SKA2: variants seen among roughly 807,000 people sequenced by gnomAD.
SKA2 encodes spindle and kinetochore-associated protein 2.
In SKA2, 13 loss-of-function variants were observed where a neutral mutation model predicts 16.9. That is an observed-to-expected ratio of 0.77 (90% CI 0.50 to 1.22). The LOEUF (loss-of-function observed/expected upper bound fraction) is 1.22, where lower values mean the gene tolerates loss of function less well. Ranked by LOEUF, SKA2 falls within the 50% of genes most tolerant of loss-of-function variation. The probability of loss-of-function intolerance (pLI) is 0.00; values close to 1 mark genes in which losing one functional copy is unlikely to be tolerated. For synonymous variants in SKA2, 47 were observed against 48.5 expected (o/e 0.97, Z 0.13); for missense variants, 107 against 139.7 (o/e 0.77, Z 1.18).
At chr17:59,131,390 A>C in intron 1 of SKA2, 23 bp from the exon 2 acceptor site, 2 of 1,494,994 alleles carry the variant, frequency 1.3e-6, no homozygotes, top group Non-Finnish European at 1.8e-6. Flanking sequence ...ACAAATCATT[A>C]TTGTGTAAAC....
At chr17:59,117,126 CCTAA>C (rs1218933706) in intron 3 of SKA2, among the ~76,000 whole-genome samples, 1 of 151,844 alleles carries the variant, frequency 6.6e-6, no homozygotes, top group Non-Finnish European at 1.5e-5. Context: ...CTTTGGCTTT[CCTAA>C]CTAATTTCAC....
intron 2 of SKA2, among the ~76,000 whole-genome samples, chr17:59,120,297 C>T (rs1260735424): frequency 2.0e-5 from 3 of 152,062 alleles, no homozygotes; most frequent in African/African-American, 7.2e-5. Context: ...CATGCCAACC[C>T]AACTGTATTT....
chr17:59,147,619 G>A (rs185318021), intron 1 of SKA2, among the ~76,000 whole-genome samples: 1 of 151,182 alleles, frequency 6.6e-6, no homozygotes, highest in Non-Finnish European at 1.5e-5. Context: ...AACTGTTCTT[G>A]ATCTACTTTT....
chr17:59,139,543 G>A (rs973082647), intron 1 of SKA2, among the ~76,000 whole-genome samples: 4 of 151,446 alleles, frequency 2.6e-5, no homozygotes, highest in African/African-American at 9.7e-5. Flanking sequence ...TGAGATGAGT[G>A]CTCACTATGT....
intron 2 of SKA2, among the ~76,000 whole-genome samples, chr17:59,123,021 C>CAAAAAA (rs1197154280): frequency 1.6e-4 from 8 of 48,914 alleles, no homozygotes; most frequent in East Asian, 6.3e-4. Context: ...AACCTTGTCT[C>CAAAAAA]AAAAAAAAAA....
intron 1 of SKA2, among the ~76,000 whole-genome samples, chr17:59,134,315 A>G (rs2046429585): frequency 1.3e-5 from 2 of 152,144 alleles, no homozygotes; most frequent in South Asian, 2.1e-4. Flanking sequence ...AGCTTTTTTC[A>G]ATGAGTTATA....
chr17:59,126,776 A>G (rs1568304524), intron 2 of SKA2, among the ~76,000 whole-genome samples: 1 of 152,222 alleles, frequency 6.6e-6, no homozygotes, highest in South Asian at 2.1e-4. Flanking sequence ...TATAAACCCG[A>G]AAGTTGAAAG....
chr17:59,122,404 A>C (rs1568302771), intron 2 of SKA2, among the ~76,000 whole-genome samples: 1 of 152,082 alleles, frequency 6.6e-6, no homozygotes, highest in Non-Finnish European at 1.5e-5. Flanking sequence ...TGAGGTCAGG[A>C]GTTCCAGAAC....
chr17:59,120,959 T>C (rs549503012), intron 2 of SKA2, among the ~76,000 whole-genome samples: 77 of 151,936 alleles, frequency 5.1e-4, no homozygotes, highest in Admixed American at 4.3e-3. Flanking sequence ...GAGACCATCC[T>C]GGCTAACACG....
chr17:59,115,636 C>T (rs1490897662), intron 3 of SKA2, among the ~76,000 whole-genome samples: 1 of 152,150 alleles, frequency 6.6e-6, no homozygotes, highest in Non-Finnish European at 1.5e-5. Flanking sequence ...TTCCATCGCC[C>T]AGGCTGGAGC....
chr17:59,152,907 G>GA (rs1165815741), intron 1 of SKA2, among the ~76,000 whole-genome samples: 3 of 149,930 alleles, frequency 2.0e-5, no homozygotes, highest in African/African-American at 7.3e-5. Context: ...TGTAAGAAAG[G>GA]AAAAAAACCT....
intron 2 of SKA2, among the ~76,000 whole-genome samples, chr17:59,119,979 G>A (rs1485552141): frequency 6.6e-6 from 1 of 151,314 alleles, no homozygotes; most frequent in Non-Finnish European, 1.5e-5. Flanking sequence ...CGCAATCTCA[G>A]CTCACTGCAA....
chr17:59,134,820 T>C (rs1435359700), intron 1 of SKA2, among the ~76,000 whole-genome samples: 1 of 152,078 alleles, frequency 6.6e-6, no homozygotes, highest in Non-Finnish European at 1.5e-5. Context: ...GTAGACTATA[T>C]TCATATATAT....
At chr17:59,113,648 A>C (rs1191591662) in intron 3 of SKA2, among the ~76,000 whole-genome samples, 2 of 151,746 alleles carry the variant, frequency 1.3e-5, no homozygotes, top group African/African-American at 4.8e-5. Flanking sequence ...ACATGGTGGA[A>C]CCTCATCTCT....
intron 1 of SKA2, chr17:59,151,027 G>C (rs990178044): frequency 4.1e-5 from 16 of 386,156 alleles, no homozygotes; most frequent in African/African-American, 6.6e-5. Flanking sequence ...CTTTCTAAAA[G>C]ATATACTGTT....
At chr17:59,144,588 T>C (rs947161657) in intron 1 of SKA2, among the ~76,000 whole-genome samples, 1 of 152,062 alleles carries the variant, frequency 6.6e-6, no homozygotes. Flanking sequence ...CCTTAAAAAA[T>C]TGAAGGAAAT....
intron 1 of SKA2, among the ~76,000 whole-genome samples, chr17:59,154,184 AAAAG>A (rs1326717814): frequency 2.0e-5 from 3 of 149,418 alleles, no homozygotes; most frequent in Middle Eastern, 3.4e-3. Flanking sequence ...AAAAAAAAAA[AAAAG>A]AAAAGAAAAG....
intron 3 of SKA2, 112 bp from the exon 4 acceptor site, chr17:59,112,457 T>C (rs2147789849): frequency 1.4e-6 from 1 of 718,870 alleles, no homozygotes; most frequent in Non-Finnish European, 2.2e-6. Flanking sequence ...TTATACTATG[T>C]ATGTAATCAC....
Position 59,131,288 on chromosome 17 carries a change from G to A in SKA2, c.113C>T (p.Ala38Val), listed in dbSNP as rs568404718. ...ATTTATTTCGGAGATTACCTCACTT[G>A]CTGAATCAGGATGATTAGTCTTGAT... The part of the protein sequence containing the change: ...YEIKTNHPDS[A>V]SEKNPVTLLK... The change falls in exon 2 of 4, where the codon GCA (alanine) becomes GTA (valine). Residue 38 changes from alanine (A) to valine (V), a missense_variant. Coordinates refer to ENST00000330137, the MANE Select transcript of SKA2 (RefSeq NM_182620.4). The A allele has an allele frequency of 2.0e-5, 31 of 1,575,106 alleles. No individual in the cohort carries two copies. The highest frequency in any genetic ancestry group is 4.0e-5 in the African/African-American group (3 of 74,246).
Sources: allele counts gnomAD v4.1 joint callset (sites outside exome capture counted in the v4.1 genomes callset), GRCh38; gene constraint gnomAD v4.1.1; transcripts MANE v1.5; gene names NCBI Gene and HGNC (gene_info 2026-07-23, HGNC 2026-07-21).